The following TMEM132E variants were observed in gnomAD, a reference collection of about 807,000 sequenced individuals.
The protein encoded by TMEM132E is transmembrane protein 132E.
TMEM132E carries 49 observed loss-of-function variants against 78.5 expected under a neutral mutation model. That is an observed-to-expected ratio of 0.62 (90% confidence interval 0.50 to 0.79). The LOEUF is 0.79. TMEM132E is among the 30% of genes least tolerant of loss of function. The pLI is 0.00. For synonymous variants in TMEM132E, 715 were observed against 670.6 expected (o/e 1.07, Z -1.02); for missense variants, 1,403 against 1,470.9 (o/e 0.95, Z 0.75).
At chr17:34,630,380 T>C (rs537577215) in intron 5 of TMEM132E, among the ~76,000 whole-genome samples, 87 of 152,274 alleles carry the variant, frequency 5.7e-4, no homozygotes, top group African/African-American at 2.0e-3. Context: ...AAGGGTTGAT[T>C]CTCAAGTGTA....
At chr17:34,602,107 C>T (rs1185361751) in intron 1 of TMEM132E, among the ~76,000 whole-genome samples, 1 of 152,224 alleles carries the variant, frequency 6.6e-6, no homozygotes, top group East Asian at 1.9e-4. Flanking sequence ...TTCCTCAGCC[C>T]ATTAGGCTCC....
chr17:34,636,391 G>C (rs1463685780), intron 8 of TMEM132E, among the ~76,000 whole-genome samples, 193 bp downstream of exon 8: 2 of 152,198 alleles, frequency 1.3e-5, no homozygotes, highest in Admixed American at 6.5e-5. Context: ...GCAAGGTCTT[G>C]CTTGCTGCTC....
In TMEM132E at chr17:34,626,146, G is replaced by T; in HGVS notation, c.87G>T (p.Pro29=). The change falls in exon 2 of 9, where the codon CCG becomes CCT. Residue 29 remains proline, a synonymous_variant. Coordinates refer to ENST00000631683, the MANE Select transcript of TMEM132E (RefSeq NM_001304438.2). The part of the protein sequence containing the change: ...LLAHASGRSH[P]ASPSPPGPQA... ...CCCCAGCCTCTGGCCGCTCCCACCC[G>T]GCCAGCCCCAGCCCGCCGGGGCCGC... 6.5e-7 allele frequency: 1 copy of T among 1,535,688 alleles called. No homozygotes were observed. Among genetic ancestry groups the T allele is most frequent in the Non-Finnish European group, 8.7e-7 (1 of 1,144,358 alleles).
At chr17:34,590,332 C>T (rs1905828624) in intron 1 of TMEM132E, among the ~76,000 whole-genome samples, 1 of 152,254 alleles carries the variant, frequency 6.6e-6, no homozygotes, top group Non-Finnish European at 1.5e-5. Flanking sequence ...TCCACTCTCA[C>T]CCTTTCCCTA....
intron 2 of TMEM132E, among the ~76,000 whole-genome samples, chr17:34,627,949 T>A (rs1351682034): frequency 6.6e-6 from 1 of 152,196 alleles, no homozygotes; most frequent in Non-Finnish European, 1.5e-5. Context: ...GAGGTGGCAA[T>A]CACCTTGCTT....
At chr17:34,630,175 C>G in intron 5 of TMEM132E, 24 bp downstream of exon 5, 1 of 1,601,842 alleles carries the variant, frequency 6.2e-7, no homozygotes, top group Non-Finnish European at 8.5e-7. Context: ...AGGTGGGGCC[C>G]CTGGGGAAGA....
At chr17:34,629,467 A>G (rs1286311454) in intron 4 of TMEM132E, among the ~76,000 whole-genome samples, 3 of 152,136 alleles carry the variant, frequency 2.0e-5, no homozygotes, top group Non-Finnish European at 4.4e-5. Flanking sequence ...AGTTTGCAGA[A>G]GGAGGTAGCA....
At chr17:34,607,581 C>T (rs1219190949) in intron 1 of TMEM132E, among the ~76,000 whole-genome samples, 1 of 152,158 alleles carries the variant, frequency 6.6e-6, no homozygotes, top group East Asian at 1.9e-4. Context: ...AACACAGACT[C>T]CACAGGTTAA....
Position 34,638,014 on chromosome 17 carries a change from G to A in TMEM132E, c.3007G>A (p.Ala1003Thr). Residue 1003 changes from alanine to threonine, a missense_variant, in exon 9 of 9, where the codon GCC (alanine) becomes ACC (threonine). By Grantham distance (58) the Ala-to-Thr change is moderately conservative. Around this residue, in one of 3 missense-constraint regions of TMEM132E, gnomAD observed 888 missense variants for 952.8 expected, o/e 0.93. Transcript: ENST00000631683. ...AGCCCGAGACCAAGCCGAGGACCCC[G>A]CCAGCTCGCCCACCTCCAAGCGCAA... ...GSARDQAEDP[A>T]SSPTSKRKRV... The A allele has an allele frequency of 6.3e-7, 1 of 1,577,352 alleles. No homozygotes were observed. The highest frequency in any genetic ancestry group is 1.1e-5 in the South Asian group (1 of 87,362).
At chr17:34,613,442 G>C (rs1226755781) in intron 1 of TMEM132E, among the ~76,000 whole-genome samples, 3 of 141,064 alleles carry the variant, frequency 2.1e-5, no homozygotes. Context: ...GTGCAGGTTT[G>C]TTCAGGTTCC....
In TMEM132E at chr17:34,637,220, C is replaced by G; in HGVS notation, c.2213C>G (p.Thr738Arg). The change falls in exon 9 of 9, where the codon ACA (threonine) becomes AGA (arginine). Residue 738 changes from threonine to arginine, a missense_variant. Thr to Arg is a moderately conservative substitution (Grantham distance 71). Coordinates refer to ENST00000631683, the MANE Select transcript of TMEM132E (RefSeq NM_001304438.2). ...TGGCTCTCCTACAGTGATGGCACCACAGCCCCACTCTCCCTCTACAGCCCA... is the reference window on the plus strand; with the variant it reads ...TGGCTCTCCTACAGTGATGGCACCAGAGCCCCACTCTCCCTCTACAGCCCA... ...SLWLSYSDGT[T>R]APLSLYSPRD... is the part of the protein sequence containing the mutation. 1 of 1,611,932 alleles carries G rather than the reference C, an allele frequency of 6.2e-7. No individual in the cohort carries two copies. The highest frequency in any genetic ancestry group is 1.3e-5 in the African/African-American group (1 of 75,022).
chr17:34,616,611 A>G (rs1230532506), intron 1 of TMEM132E, among the ~76,000 whole-genome samples: 9 of 152,310 alleles, frequency 5.9e-5, no homozygotes, highest in Admixed American at 6.5e-5. Context: ...TGAGGGAGAC[A>G]CTAGCCTGTG....
intron 2 of TMEM132E, 64 bp downstream of exon 2, chr17:34,627,121 T>TG: frequency 1.2e-6 from 1 of 838,794 alleles, no homozygotes; most frequent in Non-Finnish European, 1.9e-6. Flanking sequence ...CCTGACTCCT[T>TG]GTGGGTGGGT....
intron 1 of TMEM132E, among the ~76,000 whole-genome samples, chr17:34,601,844 G>A (rs1045045224): frequency 6.6e-6 from 1 of 152,158 alleles, no homozygotes; most frequent in Non-Finnish European, 1.5e-5. Flanking sequence ...TCATTGTCCT[G>A]CCCGAGGGCC....
At chr17:34,592,537 C>G (rs181112189) in intron 1 of TMEM132E, among the ~76,000 whole-genome samples, 10 of 152,248 alleles carry the variant, frequency 6.6e-5, no homozygotes, top group Non-Finnish European at 1.2e-4. Flanking sequence ...AGGCTTGAAC[C>G]CTGAAGATCC....
chr17:34,612,868 G>A (rs749847369), intron 1 of TMEM132E, among the ~76,000 whole-genome samples: 2 of 152,212 alleles, frequency 1.3e-5, no homozygotes, highest in South Asian at 2.1e-4. Flanking sequence ...CGTCACTGGG[G>A]GGGGCAGTGG....
chr17:34,607,492 AG>A, intron 1 of TMEM132E, among the ~76,000 whole-genome samples: 1 of 152,304 alleles, frequency 6.6e-6, no homozygotes, highest in Middle Eastern at 3.4e-3. Flanking sequence ...CCTCACACCA[AG>A]GCAACTCTCC....
intron 2 of TMEM132E, among the ~76,000 whole-genome samples, chr17:34,627,474 G>GTGTGTGTGTGTGTGTGTGTA (rs1907196337): frequency 7.7e-6 from 1 of 130,078 alleles, no homozygotes; most frequent in Non-Finnish European, 1.6e-5. Flanking sequence ...AATCGTGTGT[G>GTGTGTGTGTGTGTGTGTGTA]TGTGTGTGTG....
At chr17:34,603,951 C>A (rs1906325329) in intron 1 of TMEM132E, among the ~76,000 whole-genome samples, 1 of 152,122 alleles carries the variant, frequency 6.6e-6, no homozygotes, top group African/African-American at 2.4e-5. Flanking sequence ...ATGGAGCCAC[C>A]CTCCCTCTAC....
Sources: allele counts gnomAD v4.1 joint callset (sites outside exome capture counted in the v4.1 genomes callset), GRCh38; gene constraint gnomAD v4.1.1; regional missense constraint gnomAD v4.1.1; transcripts MANE v1.5; gene names NCBI Gene and HGNC (gene_info 2026-07-23, HGNC 2026-07-21).